Variants in ARMH3 observed in about 807,000 individuals in gnomAD.
ARMH3 encodes the protein armadillo like helical domain containing 3, also known as armadillo-like helical domain-containing protein 3.
A neutral mutation model predicts 99.1 loss-of-function variants in ARMH3; 60 were observed. That is an observed-to-expected ratio of 0.61 (90% CI 0.49 to 0.75). ARMH3 has a LOEUF of 0.75. Among genes scored for constraint, ARMH3 ranks in the 30% least tolerant of loss-of-function variants. The probability of loss-of-function intolerance (pLI) is 0.00; values close to 1 mark genes in which losing one functional copy is unlikely to be tolerated. For missense variants in ARMH3, 679 were observed against 843.1 expected, an observed-to-expected ratio of 0.81 and a Z score of 2.41; for synonymous variants, 285 against 292.8, an observed-to-expected ratio of 0.97 and a Z score of 0.27.
intron 24 of ARMH3, among the ~76,000 whole-genome samples, chr10:101,869,412 T>C (rs1327162207): frequency 6.6e-6 from 1 of 152,214 alleles, no homozygotes. Flanking sequence ...ACACTGAGTA[T>C]ATTTTCTGAC....
chr10:101,911,799 G>A (rs1842878167), intron 23 of ARMH3, among the ~76,000 whole-genome samples: 1 of 152,206 alleles, frequency 6.6e-6, no homozygotes, highest in African/African-American at 2.4e-5. Flanking sequence ...CACTCTGGGA[G>A]GCAAGGCGGG....
At chr10:102,030,602 C>T (rs1349026749) in intron 4 of ARMH3, among the ~76,000 whole-genome samples, 1 of 152,140 alleles carries the variant, frequency 6.6e-6, no homozygotes, top group East Asian at 1.9e-4. Context: ...CCCAGCTATT[C>T]AGCAGGCTGA....
intron 24 of ARMH3, among the ~76,000 whole-genome samples, chr10:101,865,241 A>G (rs1021808436): frequency 2.6e-5 from 4 of 151,844 alleles, no homozygotes; most frequent in African/African-American, 9.7e-5. Context: ...AAACAAACAA[A>G]CAAACAAAAA....
intron 20 of ARMH3, among the ~76,000 whole-genome samples, chr10:101,967,385 T>C (rs529968194): frequency 3.9e-4 from 59 of 152,262 alleles, no homozygotes; most frequent in African/African-American, 1.3e-3. Flanking sequence ...GCAGGCTCAC[T>C]GTCAATCAGC....
At chr10:102,006,032 C>G (rs757560282) in intron 14 of ARMH3, among the ~76,000 whole-genome samples, 1 of 152,204 alleles carries the variant, frequency 6.6e-6, no homozygotes, top group Non-Finnish European at 1.5e-5. Flanking sequence ...TAGTAGTAAA[C>G]AAAATAGACA....
At chr10:102,016,362 T>G (rs1252572395) in intron 8 of ARMH3, among the ~76,000 whole-genome samples, 2 of 152,198 alleles carry the variant, frequency 1.3e-5, no homozygotes, top group Admixed American at 1.3e-4. Flanking sequence ...TCAACCTGTA[T>G]TTTTTCTCCT....
intron 8 of ARMH3, among the ~76,000 whole-genome samples, chr10:102,016,282 G>C (rs1414902370): frequency 6.6e-6 from 1 of 152,208 alleles, no homozygotes; most frequent in Non-Finnish European, 1.5e-5. Context: ...TCCTTTGAGT[G>C]TCATGTTGGT....
chr10:101,964,443 G>A (rs955866373), intron 20 of ARMH3, among the ~76,000 whole-genome samples: 1 of 152,154 alleles, frequency 6.6e-6, no homozygotes, highest in Non-Finnish European at 1.5e-5. Context: ...GTTTACAGCA[G>A]CATCATTCAC....
At chr10:101,886,683 A>G (rs1163709021) in intron 24 of ARMH3, among the ~76,000 whole-genome samples, 1 of 152,208 alleles carries the variant, frequency 6.6e-6, no homozygotes, top group Non-Finnish European at 1.5e-5. Context: ...TTAATATGCA[A>G]TAATGGATTT....
intron 23 of ARMH3, among the ~76,000 whole-genome samples, chr10:101,917,998 A>C (rs998946554): frequency 6.6e-6 from 1 of 152,066 alleles, no homozygotes; most frequent in Admixed American, 6.5e-5. Flanking sequence ...CTTAATAATC[A>C]ATTTTCAATT....
At chr10:101,907,175 T>G (rs1842665545) in intron 23 of ARMH3, among the ~76,000 whole-genome samples, 1 of 152,200 alleles carries the variant, frequency 6.6e-6, no homozygotes, top group Admixed American at 6.5e-5. Context: ...TTCCTTTAAG[T>G]TCCTATTTAG....
In ARMH3 at chr10:102,037,431, C is replaced by T. The variant is rs1461453100; in HGVS notation, c.102+2582G>A. Among the ~76,000 whole-genome samples the T allele has an allele frequency of 2.6e-5, 4 of 152,096 alleles. No individual in the cohort carries two copies. The East Asian group carries it at 5.8e-4, about 22-fold the overall frequency. On this transcript the variant is annotated intron_variant, in intron 2 of 25. Transcript: ENST00000370033. ...ACATCTGACCTCATGTGATCTGCCC[C>T]CCTTGGCCTCACAAACTGCTGGGAT...
intron 23 of ARMH3, among the ~76,000 whole-genome samples, chr10:101,938,139 G>A (rs1160412343): frequency 6.6e-6 from 1 of 152,188 alleles, no homozygotes; most frequent in African/African-American, 2.4e-5. Context: ...AAAGGGCCAG[G>A]ATTACAGGCG....
At chr10:101,997,751 T>C (rs1385487229) in intron 15 of ARMH3, among the ~76,000 whole-genome samples, 2 of 152,170 alleles carry the variant, frequency 1.3e-5, no homozygotes, top group South Asian at 2.1e-4. Flanking sequence ...CTATTTATTA[T>C]AGTTATTATA....
chr10:102,013,571 CCT>C (rs1484144975), intron 9 of ARMH3, among the ~76,000 whole-genome samples: 15 of 152,178 alleles, frequency 9.9e-5, no homozygotes, highest in African/African-American at 2.2e-4. Flanking sequence ...AGATCATCCC[CCT>C]GTTTCAGTTT....
intron 23 of ARMH3, among the ~76,000 whole-genome samples, chr10:101,926,886 C>T (rs1410722266): frequency 6.6e-6 from 1 of 152,166 alleles, no homozygotes; most frequent in Admixed American, 6.5e-5. Flanking sequence ...CTCCAGAGAG[C>T]CAGAGGCTCG....
At position 102,020,512 on chromosome 10, in the gene ARMH3, C is replaced by T. The variant is rs557996447; in HGVS notation, c.669+2965G>A. 3.9e-5 allele frequency among the ~76,000 whole-genome samples: 6 copies of T among 151,982 alleles called. No homozygotes were observed. In the South Asian group the frequency reaches 6.2e-4, roughly 16 times the overall value. ...CACCCTAGCTAACACGGTGAAACCC[C>T]GTCTCTACTAAAAATACAAAAAAAT... On this transcript the variant is annotated intron_variant, in intron 8 of 25. Coordinates refer to ENST00000370033, the MANE Select transcript of ARMH3 (RefSeq NM_024541.3).
At chr10:101,887,791 T>C (rs571616205) in intron 24 of ARMH3, among the ~76,000 whole-genome samples, 1 of 152,126 alleles carries the variant, frequency 6.6e-6, no homozygotes, top group South Asian at 2.1e-4. Context: ...CCCATTCTCC[T>C]ATGAAATCCC....
chr10:101,975,360 G>T, intron 19 of ARMH3, 60 bp from the exon 20 acceptor site: 1 of 1,364,926 alleles, frequency 7.3e-7, no homozygotes, highest in Non-Finnish European at 1.0e-6. Flanking sequence ...ACTCACCAGA[G>T]ATCCCTTCTT....
Sources: allele counts gnomAD v4.1 joint callset (sites outside exome capture counted in the v4.1 genomes callset), GRCh38; gene constraint gnomAD v4.1.1; transcripts MANE v1.5; gene names NCBI Gene and HGNC (gene_info 2026-07-23, HGNC 2026-07-21).